Variants in VIT observed in about 807,000 individuals in gnomAD.
The protein encoded by VIT is vitrin.
A neutral mutation model predicts 78.0 loss-of-function variants in VIT; 99 were observed. The observed-to-expected ratio is 1.27, with a 90% CI of 1.08 to 1.50. The LOEUF is 1.50. Ranked by LOEUF, VIT falls within the 40% of genes most tolerant of loss-of-function variation. VIT has a pLI of 0.00. For missense variants in VIT, 1,126 were observed against 875.3 expected (o/e 1.29, Z -3.61); for synonymous variants, 374 against 334.3 (o/e 1.12, Z -1.29).
chr2:36,755,186 A>C, intron 5 of VIT, 132 bp downstream of exon 5: 2 of 1,031,782 alleles, frequency 1.9e-6, no homozygotes, highest in Non-Finnish European at 2.7e-6. Context: ...TTTTCTGATA[A>C]TTAGAATCAC....
At position 36,731,046 on chromosome 2, in the gene VIT, T is replaced by C. The variant is rs145171836; in HGVS notation, c.118+1555T>C. On this transcript the variant is annotated intron_variant, in intron 3 of 15. Coordinates refer to ENST00000379242, the MANE Select transcript of VIT (RefSeq NM_053276.4). ...ACCAAACAGGAAGACAGGTTCTCAG[T>C]CCAGTCTGAGGATTTAACTTGTAGC... Among the ~76,000 whole-genome samples, 46 of 152,192 alleles carry C rather than the reference T, an allele frequency of 3.0e-4. No homozygotes were observed. In the East Asian group the frequency reaches 8.9e-3, roughly 30 times the overall value.
rs1667058695 is a variant in VIT at position 36,729,436 on chromosome 2, G to A, written c.63G>A (p.Val21=). Residue 21 remains valine (V), a synonymous_variant, in exon 3 of 16, where the codon GTG becomes GTA. Coordinates refer to ENST00000379242, the MANE Select transcript of VIT (RefSeq NM_053276.4). The stretch of plus-strand genomic sequence containing the variant: ...ATTTTCTTCATGTAGTTTTGCTGGT[G>A]ACTGGAGTACATTCAAACAAAGAAA... ...SVIEMFLVLL[V]TGVHSNKETA... 4 of 1,603,120 alleles carry A rather than the reference G, an allele frequency of 2.5e-6. No homozygotes were observed. Among genetic ancestry groups the A allele is most frequent in the South Asian group, 1.1e-5 (1 of 87,128 alleles).
At chr2:36,715,486 A>G (rs1666068689) in intron 1 of VIT, among the ~76,000 whole-genome samples, 1 of 151,156 alleles carries the variant, frequency 6.6e-6, no homozygotes, top group African/African-American at 2.4e-5. Context: ...TAGTGAGCCG[A>G]GATCACACCA....
chr2:36,716,728 G>C (rs746249525), intron 2 of VIT, among the ~76,000 whole-genome samples: 3 of 152,100 alleles, frequency 2.0e-5, no homozygotes, highest in Non-Finnish European at 2.9e-5. Flanking sequence ...CAATTAGCAA[G>C]TATTTCAGAT....
Position 36,743,097 on chromosome 2 carries a change from C to A in VIT, c.119-3C>A. ...TAATTTTGACCTCATTTTGTATTCC[C>A]AGCTGTGCCTCAGATCAACTGCGAT... On this transcript the variant is annotated splice_polypyrimidine_tract_variant and splice_region_variant and intron_variant, in intron 3 of 15. Coordinates refer to ENST00000379242, the MANE Select transcript of VIT (RefSeq NM_053276.4). 6.2e-7 allele frequency: 1 copy of A among 1,613,936 alleles called. No homozygotes were observed. The highest frequency in any genetic ancestry group is 2.2e-5 in the East Asian group (1 of 44,874).
At chr2:36,792,509 A>G (rs913245796) in intron 12 of VIT, among the ~76,000 whole-genome samples, 59 of 151,988 alleles carry the variant, frequency 3.9e-4, no homozygotes, top group African/African-American at 1.4e-3. Flanking sequence ...CACTGGGTTT[A>G]TCTGGGGTCC....
chr2:36,741,527 T>C (rs1297191929), intron 3 of VIT, among the ~76,000 whole-genome samples: 1 of 152,084 alleles, frequency 6.6e-6, no homozygotes, highest in Non-Finnish European at 1.5e-5. Flanking sequence ...CAGTTCTCTC[T>C]CCAGCCTGAA....
intron 14 of VIT, among the ~76,000 whole-genome samples, chr2:36,808,064 C>G (rs1477647693): frequency 6.6e-6 from 1 of 152,240 alleles, no homozygotes; most frequent in Non-Finnish European, 1.5e-5. Context: ...TATGTCATCT[C>G]TTTTCCGAAC....
At chr2:36,725,358 A>T (rs1353036180) in intron 2 of VIT, among the ~76,000 whole-genome samples, 1 of 152,168 alleles carries the variant, frequency 6.6e-6, no homozygotes, top group Admixed American at 6.5e-5. Context: ...GGGGAGTCCA[A>T]GATCAGGGTG....
At chr2:36,720,531 A>G (rs998744227) in intron 2 of VIT, among the ~76,000 whole-genome samples, 2 of 152,256 alleles carry the variant, frequency 1.3e-5, no homozygotes, top group Admixed American at 1.3e-4. Context: ...GTCATTTACA[A>G]TGTAAGTGTA....
intron 9 of VIT, among the ~76,000 whole-genome samples, chr2:36,778,364 A>G (rs903322732): frequency 1.2e-4 from 18 of 152,086 alleles, no homozygotes; most frequent in Admixed American, 6.5e-5. Flanking sequence ...CTCCTGCTGT[A>G]TGGAGGAGGC....
intron 5 of VIT, 58 bp downstream of exon 5, chr2:36,755,112 T>G: frequency 1.3e-6 from 2 of 1,546,044 alleles, no homozygotes; most frequent in Non-Finnish European, 1.7e-6. Context: ...AATGTGCTCT[T>G]TTCATTGTGC....
intron 14 of VIT, among the ~76,000 whole-genome samples, chr2:36,807,554 A>G (rs1245957129): frequency 6.6e-6 from 1 of 152,188 alleles, no homozygotes; most frequent in Non-Finnish European, 1.5e-5. Flanking sequence ...ATTTTCCAGG[A>G]AAGTTTGAAG....
At chr2:36,806,027 C>T (rs553888895) in intron 14 of VIT, among the ~76,000 whole-genome samples, 20 of 152,132 alleles carry the variant, frequency 1.3e-4, no homozygotes, top group Non-Finnish European at 1.8e-4. Context: ...CACACACACA[C>T]GCTTTCTCCT....
At chr2:36,742,689 G>A (rs1276815650) in intron 3 of VIT, among the ~76,000 whole-genome samples, 6 of 152,106 alleles carry the variant, frequency 3.9e-5, no homozygotes, top group African/African-American at 7.2e-5. Context: ...TGCTCCCACC[G>A]TATGCCCTTC....
chr2:36,748,595 G>T (rs1165436989), intron 4 of VIT, among the ~76,000 whole-genome samples: 2 of 152,120 alleles, frequency 1.3e-5, no homozygotes, highest in African/African-American at 4.8e-5. Flanking sequence ...GTTCAGTTTG[G>T]TTCTTTCTTA....
rs1278163195 is a variant in VIT, at chr2:36,808,613, A to G, written c.1531A>G (p.Ile511Val). The G allele has an allele frequency of 6.2e-7, 1 of 1,614,212 alleles. No homozygotes were observed. Among genetic ancestry groups the G allele is most frequent in the Non-Finnish European group, 8.5e-7 (1 of 1,180,044 alleles). Residue 511 changes from isoleucine to valine, a missense_variant, in exon 15 of 16, where the codon ATT (isoleucine) becomes GTT (valine). By Grantham distance (29) the Ile-to-Val change is conservative (BLOSUM62 3). Transcript: ENST00000379242. The part of the protein sequence containing the change: ...CSKTCLNSAD[I>V]GFVIDGSSSV... ...CAAGACCTGCTTGAACTCGGCTGAC[A>G]TTGGCTTCGTCATCGACGGCTCCAG...
At chr2:36,708,043 G>T (rs1026395730) in intron 1 of VIT, among the ~76,000 whole-genome samples, 2 of 151,934 alleles carry the variant, frequency 1.3e-5, no homozygotes, top group African/African-American at 4.8e-5. Context: ...TCAGACCTCA[G>T]CCAGAGGAAT....
At chr2:36,726,437 T>G (rs2148475794) in intron 2 of VIT, among the ~76,000 whole-genome samples, 1 of 152,384 alleles carries the variant, frequency 6.6e-6, no homozygotes, top group South Asian at 2.1e-4. Flanking sequence ...GAAAATATTA[T>G]ACTTTTGTAT....
Sources: gnomAD v4.1 joint callset for allele counts (sites outside exome capture counted in the v4.1 genomes callset) on GRCh38, gnomAD v4.1.1 for gene constraint, MANE v1.5 for transcripts, NCBI Gene and HGNC (gene_info 2026-07-23, HGNC 2026-07-21) for gene names.